MYT1L: variants seen among roughly 807,000 people sequenced by gnomAD.
MYT1L encodes myelin transcription factor 1 like.
Under a neutral mutation model 126.7 loss-of-function variants are expected in MYT1L, and 12 were observed. The ratio of observed to expected loss-of-function variants is 0.09; its 90% CI spans 0.06 to 0.15. The LOEUF is 0.15. Among genes scored for constraint, MYT1L ranks in the 10% least tolerant of loss-of-function variants. The pLI, the probability that MYT1L is intolerant of heterozygous loss-of-function variation, is 1.00. For missense variants in MYT1L, 979 were observed against 1,585.2 expected, an observed-to-expected ratio of 0.62 and a Z score of 6.49; for synonymous variants, 541 against 604.2, an observed-to-expected ratio of 0.90 and a Z score of 1.53.
chr2:1,796,143 C>A (rs867719631), intron 23 of MYT1L, among the ~76,000 whole-genome samples: 1 of 152,262 alleles, frequency 6.6e-6, no homozygotes, highest in Non-Finnish European at 1.5e-5. Context: ...CACACTCACA[C>A]GTGTTTTGAG....
chr2:1,920,769 C>T (rs2053465490), intron 10 of MYT1L, among the ~76,000 whole-genome samples: 1 of 152,214 alleles, frequency 6.6e-6, no homozygotes, highest in Admixed American at 6.5e-5. Flanking sequence ...TAATTTTAAA[C>T]ATGCATGCTA....
intron 2 of MYT1L, among the ~76,000 whole-genome samples, chr2:2,191,429 T>C (rs2092585244): frequency 6.6e-6 from 1 of 152,190 alleles, no homozygotes; most frequent in South Asian, 2.1e-4. Flanking sequence ...CACTCTGGGA[T>C]GCATTTTTAA....
At chr2:2,191,817 C>G (rs80115826) in intron 2 of MYT1L, among the ~76,000 whole-genome samples, 1 of 152,144 alleles carries the variant, frequency 6.6e-6, no homozygotes, top group African/African-American at 2.4e-5. Flanking sequence ...AGAAGATGGC[C>G]TAGAGGAAGA....
At chr2:2,313,054 C>T (rs2096001679) in intron 1 of MYT1L, among the ~76,000 whole-genome samples, 1 of 152,110 alleles carries the variant, frequency 6.6e-6, no homozygotes, top group South Asian at 2.1e-4. Flanking sequence ...TAGCAATGAA[C>T]TTAGAGCTGA....
chr2:2,193,912 A>G (rs1572342975), intron 2 of MYT1L, among the ~76,000 whole-genome samples: 1 of 152,226 alleles, frequency 6.6e-6, no homozygotes, highest in African/African-American at 2.4e-5. Context: ...AGGATTTAAA[A>G]TAAAATACTT....
intron 13 of MYT1L, among the ~76,000 whole-genome samples, chr2:1,909,138 G>T (rs1256802297): frequency 6.6e-6 from 1 of 151,820 alleles, no homozygotes; most frequent in African/African-American, 2.4e-5. Context: ...TTATTTTTTT[G>T]AGACAGGTTC....
chr2:1,792,565 C>A, intron 23 of MYT1L, 101 bp from the exon 24 acceptor site: 5 of 1,287,536 alleles, frequency 3.9e-6, no homozygotes, highest in Non-Finnish European at 5.3e-6. Context: ...GAAGGGGCCT[C>A]TCGCTGAAGG....
intron 1 of MYT1L, among the ~76,000 whole-genome samples, chr2:2,309,293 T>A (rs2095914379): frequency 6.6e-6 from 1 of 151,828 alleles, no homozygotes; most frequent in South Asian, 2.1e-4. Flanking sequence ...ATACTTTACC[T>A]ATACTCCACC....
At chr2:2,213,221 A>C (rs898484092) in intron 2 of MYT1L, among the ~76,000 whole-genome samples, 2 of 152,204 alleles carry the variant, frequency 1.3e-5, no homozygotes, top group Admixed American at 6.5e-5. Context: ...TGAGAGATAG[A>C]AAACAAAATG....
chr2:2,008,337 G>C (rs1282399358), intron 4 of MYT1L, among the ~76,000 whole-genome samples: 1 of 152,186 alleles, frequency 6.6e-6, no homozygotes, highest in Non-Finnish European at 1.5e-5. Context: ...TAAACTCTTG[G>C]TTTACTGCAA....
chr2:2,142,677 A>T (rs961665013), intron 3 of MYT1L, among the ~76,000 whole-genome samples: 1 of 151,920 alleles, frequency 6.6e-6, no homozygotes, highest in Non-Finnish European at 1.5e-5. Flanking sequence ...AGCAAACCCA[A>T]ACTCTGATAA....
intron 3 of MYT1L, among the ~76,000 whole-genome samples, chr2:2,112,799 G>A (rs1406107896): frequency 4.6e-5 from 7 of 152,182 alleles, no homozygotes; most frequent in Non-Finnish European, 5.9e-5. Context: ...TGAGGAAAAC[G>A]AATTCATTAT....
intron 14 of MYT1L, among the ~76,000 whole-genome samples, chr2:1,893,931 A>G (rs1374850220): frequency 6.6e-6 from 1 of 152,192 alleles, no homozygotes; most frequent in Non-Finnish European, 1.5e-5. Context: ...GACTGAGGAC[A>G]GTGCCCAGGC....
intron 18 of MYT1L, among the ~76,000 whole-genome samples, chr2:1,856,421 T>C (rs577193730): frequency 6.6e-6 from 1 of 152,280 alleles, no homozygotes; most frequent in South Asian, 2.1e-4. Context: ...GAATACATCA[T>C]CATAAAAAAA....
intron 3 of MYT1L, among the ~76,000 whole-genome samples, chr2:2,076,494 G>A (rs1200955618): frequency 1.3e-5 from 2 of 152,052 alleles, no homozygotes; most frequent in Non-Finnish European, 2.9e-5. Flanking sequence ...ACAAAGCCAG[G>A]CCTTAAAAAC....
intron 2 of MYT1L, among the ~76,000 whole-genome samples, chr2:2,206,260 G>C (rs1248178592): frequency 6.6e-6 from 1 of 152,062 alleles, no homozygotes; most frequent in Non-Finnish European, 1.5e-5. Flanking sequence ...TTATAGGCAC[G>C]AGCCACCGTG....
At position 1,791,333 on chromosome 2, in the gene MYT1L, GA is replaced by G. The variant is rs2147778651; in HGVS notation, c.*533del. The G allele has an allele frequency of 2.2e-6, 1 of 449,092 alleles. No individual in the cohort carries two copies. Among genetic ancestry groups the G allele is most frequent in the African/African-American group, 2.0e-5 (1 of 48,932 alleles). 27.8% of individuals were successfully genotyped at this position (449,092 alleles called of 1,614,324 possible). On this transcript the variant is annotated 3_prime_UTR_variant, in exon 25 of 25. Transcript: ENST00000647738. This position sits in a 1 kb window ranked among gnomAD's most constrained non-coding sequence, Gnocchi z 6.0. ...TTCAAAAATAAAGCATTTTTGCAAC[GA>G]ATTCTTGCTATGAAACAATATGCAC...
chr2:2,123,741 C>T (rs551367486), intron 3 of MYT1L, among the ~76,000 whole-genome samples: 181 of 152,318 alleles, frequency 1.2e-3, no homozygotes, highest in African/African-American at 4.1e-3. Flanking sequence ...ATTTCATTAT[C>T]TCAGTGCAAG....
intron 2 of MYT1L, among the ~76,000 whole-genome samples, chr2:2,242,124 T>C (rs1288775224): frequency 6.6e-6 from 1 of 152,132 alleles, no homozygotes; most frequent in African/African-American, 2.4e-5. Flanking sequence ...ATGTCAGAAG[T>C]ACGAGCTTTC....
Sources: allele counts gnomAD v4.1 joint callset (sites outside exome capture counted in the v4.1 genomes callset), GRCh38; gene constraint gnomAD v4.1.1; non-coding constraint Gnocchi (gnomAD v3.1); transcripts MANE v1.5; gene names NCBI Gene and HGNC (gene_info 2026-07-23, HGNC 2026-07-21).